The following ADAMTS16 variants were observed in gnomAD, a reference collection of about 807,000 sequenced individuals.
ADAMTS16 encodes the protein A disintegrin and metalloproteinase with thrombospondin motifs 16.
In ADAMTS16, 94 loss-of-function variants were observed where a neutral mutation model predicts 145.8. The observed-to-expected ratio is 0.64, with a 90% confidence interval of 0.55 to 0.77. ADAMTS16 has a LOEUF of 0.77. Ranked by LOEUF, ADAMTS16 falls within the 30% of genes least tolerant of loss-of-function variation. The pLI, the probability that ADAMTS16 is intolerant of heterozygous loss-of-function variation, is 0.00. For synonymous variants in ADAMTS16, 659 were observed against 604.3 expected (o/e 1.09, Z -1.33); for missense variants, 1,585 against 1,591.5 (o/e 1.00, Z 0.07).
At chr5:5,211,682 T>C (rs1736273783) in intron 10 of ADAMTS16, among the ~76,000 whole-genome samples, 1 of 152,146 alleles carries the variant, frequency 6.6e-6, no homozygotes, top group Non-Finnish European at 1.5e-5. Flanking sequence ...CCATTTAATA[T>C]ATTTAGAGCT....
intron 21 of ADAMTS16, among the ~76,000 whole-genome samples, chr5:5,313,343 G>A (rs957637744): frequency 1.3e-5 from 2 of 152,168 alleles, no homozygotes; most frequent in African/African-American, 2.4e-5. Flanking sequence ...TCTAAAGATC[G>A]CCCTTCCTAT....
intron 18 of ADAMTS16, among the ~76,000 whole-genome samples, chr5:5,287,407 C>T (rs1304600374): frequency 2.0e-5 from 3 of 152,166 alleles, no homozygotes; most frequent in Non-Finnish European, 4.4e-5. Context: ...GCTGTCATTT[C>T]AACTCTTCAC....
chr5:5,161,537 G>A (rs1560928778), intron 3 of ADAMTS16, among the ~76,000 whole-genome samples: 1 of 152,200 alleles, frequency 6.6e-6, no homozygotes, highest in Admixed American at 6.5e-5. Flanking sequence ...AATATCAGTA[G>A]ATACGTAGAT....
At chr5:5,277,506 T>G (rs1451208552) in intron 18 of ADAMTS16, among the ~76,000 whole-genome samples, 1 of 152,158 alleles carries the variant, frequency 6.6e-6, no homozygotes, top group Non-Finnish European at 1.5e-5. Context: ...CACAGTCTCC[T>G]AGAATGCATG....
At chr5:5,258,759 C>G (rs1737887716) in intron 17 of ADAMTS16, among the ~76,000 whole-genome samples, 1 of 151,970 alleles carries the variant, frequency 6.6e-6, no homozygotes, top group East Asian at 1.9e-4. Context: ...CTGGGAAGTC[C>G]AGAGCTGAAA....
At chr5:5,217,960 CT>C (rs1344277184) in intron 10 of ADAMTS16, among the ~76,000 whole-genome samples, 1 of 152,150 alleles carries the variant, frequency 6.6e-6, no homozygotes, top group Non-Finnish European at 1.5e-5. Context: ...CCTCAGCATC[CT>C]AGGTACTGTT....
At chr5:5,311,326 C>CAA (rs1740426680) in intron 21 of ADAMTS16, among the ~76,000 whole-genome samples, 2 of 128,246 alleles carry the variant, frequency 1.6e-5, no homozygotes, top group African/African-American at 6.0e-5. Context: ...AACAAAAAAA[C>CAA]AAAAAAACAT....
chr5:5,261,288 C>T (rs1026444151), intron 17 of ADAMTS16, among the ~76,000 whole-genome samples: 1 of 152,074 alleles, frequency 6.6e-6, no homozygotes, highest in African/African-American at 2.4e-5. Flanking sequence ...CAGGTGCATG[C>T]CGCCATGCCT....
intron 18 of ADAMTS16, among the ~76,000 whole-genome samples, chr5:5,274,136 C>T (rs955770191): frequency 2.6e-5 from 4 of 152,124 alleles, no homozygotes; most frequent in Non-Finnish European, 5.9e-5. Flanking sequence ...CACTCGTCCA[C>T]CCTTCCCCAC....
intron 18 of ADAMTS16, among the ~76,000 whole-genome samples, chr5:5,266,213 T>C (rs1738234393): frequency 6.6e-6 from 1 of 152,132 alleles, no homozygotes; most frequent in Non-Finnish European, 1.5e-5. Context: ...GAAGCCCATC[T>C]AGAGAGAATG....
At chr5:5,271,084 C>A (rs150230791) in intron 18 of ADAMTS16, among the ~76,000 whole-genome samples, 1 of 152,338 alleles carries the variant, frequency 6.6e-6, no homozygotes, top group Non-Finnish European at 1.5e-5. Context: ...TAATCCACAG[C>A]CTTATCACTT....
intron 17 of ADAMTS16, among the ~76,000 whole-genome samples, chr5:5,247,834 T>C (rs775767400): frequency 2.6e-5 from 4 of 152,224 alleles, no homozygotes; most frequent in African/African-American, 7.2e-5. Context: ...CTGCCTCTGG[T>C]AAGACATGTG....
intron 16 of ADAMTS16, 56 bp from the exon 17 acceptor site, chr5:5,241,997 G>C: frequency 6.3e-7 from 1 of 1,596,972 alleles, no homozygotes; most frequent in Non-Finnish European, 8.6e-7. Flanking sequence ...CCGTTAGCAT[G>C]TACTTGCTGG....
At chr5:5,144,813 C>G (rs142333593) in intron 2 of ADAMTS16, among the ~76,000 whole-genome samples, 3 of 152,190 alleles carry the variant, frequency 2.0e-5, no homozygotes, top group African/African-American at 7.2e-5. Flanking sequence ...CCCTGCTATC[C>G]TCTTAGGGTG....
At chr5:5,224,431 A>G (rs1238441156) in intron 11 of ADAMTS16, among the ~76,000 whole-genome samples, 2 of 152,136 alleles carry the variant, frequency 1.3e-5, no homozygotes, top group Non-Finnish European at 2.9e-5. Context: ...CTGGGATTAT[A>G]GGCGCCCGCC....
chr5:5,305,632 G>A (rs149145145), intron 20 of ADAMTS16, among the ~76,000 whole-genome samples: 135 of 152,194 alleles, frequency 8.9e-4, no homozygotes, highest in African/African-American at 2.9e-3. Flanking sequence ...CTCCATCTTC[G>A]ATCAGGATGC....
At chr5:5,236,637 AG>A (rs1368520947) in intron 13 of ADAMTS16, among the ~76,000 whole-genome samples, 2 of 151,940 alleles carry the variant, frequency 1.3e-5, no homozygotes, top group Non-Finnish European at 2.9e-5. Context: ...GATTTCTACA[AG>A]ATAGTAGTTA....
intron 17 of ADAMTS16, among the ~76,000 whole-genome samples, chr5:5,260,862 C>T (rs909220881): frequency 5.9e-5 from 9 of 152,188 alleles, no homozygotes; most frequent in Non-Finnish European, 1.0e-4. Context: ...GTGGAACTGG[C>T]ATGAGGGATT....
chr5:5,242,320 C>A, intron 17 of ADAMTS16, 129 bp downstream of exon 17: 1 of 1,306,476 alleles, frequency 7.7e-7, no homozygotes, highest in Non-Finnish European at 1.0e-6. Context: ...AGTGACATTC[C>A]CAAGGTGGGG....
Sources: allele counts gnomAD v4.1 joint callset (sites outside exome capture counted in the v4.1 genomes callset), GRCh38; gene constraint gnomAD v4.1.1; transcripts MANE v1.5; gene names NCBI Gene and HGNC (gene_info 2026-07-23, HGNC 2026-07-21).